The following STK3 variants were observed in gnomAD, a reference collection of about 807,000 sequenced individuals.
STK3 encodes the protein serine/threonine kinase 3, also known as serine/threonine-protein kinase 3.
A neutral mutation model predicts 58.0 loss-of-function variants in STK3; 41 were observed. That is an observed-to-expected ratio of 0.71 (90% confidence interval 0.55 to 0.92). STK3 has a LOEUF of 0.92. STK3 is among the 40% of genes least tolerant of loss of function. The pLI, the probability that STK3 is intolerant of heterozygous loss-of-function variation, is 0.00. For synonymous variants in STK3, 170 were observed against 191.0 expected, an observed-to-expected ratio of 0.89 and a Z score of 0.91; for missense variants, 479 against 602.7, an observed-to-expected ratio of 0.79 and a Z score of 2.15.
intron 6 of STK3, among the ~76,000 whole-genome samples, chr8:98,609,541 G>A (rs1157740581): frequency 2.6e-5 from 4 of 151,864 alleles, no homozygotes; most frequent in African/African-American, 9.7e-5. Flanking sequence ...AAAAATACTA[G>A]AACAACCACT....
chr8:98,529,173 A>C (rs1434918684), intron 9 of STK3, among the ~76,000 whole-genome samples: 2 of 152,170 alleles, frequency 1.3e-5, no homozygotes, highest in Admixed American at 1.3e-4. Context: ...AAAAGAAAGC[A>C]TGTTAAGACT....
chr8:98,417,285 T>C (rs1436215761), intron 3 of STK3, among the ~76,000 whole-genome samples: 1 of 151,902 alleles, frequency 6.6e-6, no homozygotes, highest in African/African-American at 2.4e-5. Flanking sequence ...GAGGCCGAGG[T>C]GGGTGGATCA....
chr8:98,370,458 T>C (rs1452379290), downstream of STK3, among the ~76,000 whole-genome samples: 1 of 151,398 alleles, frequency 6.6e-6, no homozygotes, highest in African/African-American at 2.4e-5. Context: ...CTGGGCATCT[T>C]AATCAGAACA....
chr8:98,737,371 CA>C (rs936487736), intron 4 of STK3, among the ~76,000 whole-genome samples: 102 of 151,910 alleles, frequency 6.7e-4, no homozygotes, highest in African/African-American at 2.2e-3. Context: ...GTTTCAAGGA[CA>C]AGATAAAACT....
Position 98,570,576 on chromosome 8 carries a change from T to C in STK3, c.948+9088A>G, listed in dbSNP as rs554515727. On this transcript the variant is annotated intron_variant, in intron 8 of 10. Transcript: ENST00000419617. ...ATATCAGTTCACACCAGATCAGTAA[T>C]GTTATTTTGGTGGCCACAAGGTAGG... 1.6e-3 allele frequency among the ~76,000 whole-genome samples: 244 copies of C among 152,280 alleles called. 1 individual carries two copies. Among genetic ancestry groups the C allele is most frequent in the South Asian group, 5.0e-3 (24 of 4,828 alleles).
intron 1 of STK3, among the ~76,000 whole-genome samples, chr8:98,790,757 G>A (rs1832753652): frequency 6.6e-6 from 1 of 152,180 alleles, no homozygotes; most frequent in African/African-American, 2.4e-5. Flanking sequence ...GGCTGAGGCA[G>A]GTGGATCACG....
In STK3 at chr8:98,800,530, C is replaced by A. The variant is rs953970432; in HGVS notation, c.26+24985G>T. ...AGCCTGCCGCTGCACTGTGGGAGCC[C>A]CTCTCTGGGCTGGCCAAGGCCGGAG... On this transcript the variant is annotated intron_variant, in intron 1 of 10. Transcript: ENST00000419617. The surrounding 1 kb of genome is among the most constrained non-coding windows in gnomAD (Gnocchi z 4.8). Among the ~76,000 whole-genome samples, 1 of 152,228 alleles carries A rather than the reference C, an allele frequency of 6.6e-6. No individual in the cohort carries two copies. Among genetic ancestry groups the A allele is most frequent in the Non-Finnish European group, 1.5e-5 (1 of 68,044 alleles).
Position 98,428,901 on chromosome 8 carries a change from C to T in STK3, n.483+5226G>A. ...GATGCGGATCTTCCGCATCTTAAAG[C>T]TGGCCAGGCACTCCACTGGCCTCCG... On this transcript the variant is annotated intron_variant and non_coding_transcript_variant, in intron 3 of 3. Coordinates refer to the STK3 transcript ENST00000517832. This position sits in a 1 kb window ranked among gnomAD's most constrained non-coding sequence, Gnocchi z 6.7. 1.9e-6 allele frequency: 3 copies of T among 1,614,212 alleles called. No individual in the cohort carries two copies. The highest frequency in any genetic ancestry group is 2.5e-6 in the Non-Finnish European group (3 of 1,180,042).
At chr8:98,517,238 G>T (rs1229595184) in intron 10 of STK3, among the ~76,000 whole-genome samples, 6 of 151,932 alleles carry the variant, frequency 3.9e-5, no homozygotes, top group African/African-American at 1.5e-4. Context: ...AACAACTGAT[G>T]AACACAATTA....
At chr8:98,854,650 A>C (rs1318498589) in intron 3 of STK3, among the ~76,000 whole-genome samples, 2 of 152,182 alleles carry the variant, frequency 1.3e-5, no homozygotes, top group African/African-American at 4.8e-5. Flanking sequence ...AAAGCACAAA[A>C]CTTATACTCT....
intron 1 of STK3, among the ~76,000 whole-genome samples, chr8:98,779,264 T>C (rs2131517533): frequency 6.6e-6 from 1 of 152,346 alleles, no homozygotes; most frequent in East Asian, 1.9e-4. Flanking sequence ...AGAGGTATTC[T>C]GGTAATGCCA....
intron 1 of STK3, among the ~76,000 whole-genome samples, chr8:98,918,728 C>T (rs1839439054): frequency 6.6e-6 from 1 of 152,008 alleles, no homozygotes. Context: ...TTGATTGCAC[C>T]ACTACACTCT....
chr8:98,354,352 G>T, the STK3 span, among the ~76,000 whole-genome samples: 5 of 152,120 alleles, frequency 3.3e-5, no homozygotes, highest in Non-Finnish European at 5.9e-5. Context: ...CTTCTGAGAA[G>T]TCTTAAAAGA....
intron 6 of STK3, among the ~76,000 whole-genome samples, chr8:98,703,304 C>T (rs1031105675): frequency 1.4e-4 from 21 of 152,104 alleles, no homozygotes; most frequent in African/African-American, 5.1e-4. Flanking sequence ...CTGCCACTGA[C>T]AAGTTATGTC....
intron 3 of STK3, among the ~76,000 whole-genome samples, chr8:98,870,347 G>A (rs1468983111): frequency 2.0e-5 from 3 of 152,056 alleles, no homozygotes; most frequent in African/African-American, 7.2e-5. Flanking sequence ...TAATCCTTTG[G>A]GTATATACCC....
chr8:98,870,760 A>G (rs1587779207), intron 3 of STK3, among the ~76,000 whole-genome samples: 2 of 152,336 alleles, frequency 1.3e-5, no homozygotes, highest in African/African-American at 2.4e-5. Flanking sequence ...TCAGATGGGT[A>G]GATTTAAAAA....
chr8:98,545,033 T>C (rs1324020797), intron 9 of STK3, among the ~76,000 whole-genome samples: 3 of 152,172 alleles, frequency 2.0e-5, no homozygotes, highest in African/African-American at 7.2e-5. Flanking sequence ...CTTTCTTTGC[T>C]GAAGCTACTA....
At chr8:98,378,671 C>G (rs192782598) in intron 2 of STK3, among the ~76,000 whole-genome samples, 2 of 152,292 alleles carry the variant, frequency 1.3e-5, no homozygotes, top group East Asian at 3.9e-4. Context: ...TTCTCTTCCT[C>G]CCCGCTTCCT....
At chr8:98,544,383 TA>T (rs1317790816) in intron 9 of STK3, among the ~76,000 whole-genome samples, 1 of 152,196 alleles carries the variant, frequency 6.6e-6, no homozygotes, top group East Asian at 1.9e-4. Flanking sequence ...AATAAGTTAA[TA>T]ATATATACTG....
Sources: gnomAD v4.1 joint callset for allele counts (sites outside exome capture counted in the v4.1 genomes callset) on GRCh38, gnomAD v4.1.1 for gene constraint, Gnocchi (gnomAD v3.1) non-coding constraint, MANE v1.5 for transcripts, NCBI Gene and HGNC (gene_info 2026-07-23, HGNC 2026-07-21) for gene names.